The following NISCH variants were observed in gnomAD, a reference collection of about 807,000 sequenced individuals.
NISCH encodes nischarin.
A neutral mutation model predicts 138.4 loss-of-function variants in NISCH; 55 were observed. The observed-to-expected ratio is 0.40, with a 90% CI of 0.32 to 0.50. NISCH has a LOEUF of 0.50. Among genes scored for constraint, NISCH ranks in the 20% least tolerant of loss-of-function variants. NISCH has a pLI of 0.71. For missense variants in NISCH, 1,643 were observed against 2,005.5 expected, an observed-to-expected ratio of 0.82 and a Z score of 3.45; for synonymous variants, 860 against 861.5, an observed-to-expected ratio of 1.00 and a Z score of 0.03.
At chr3:52,481,897 C>T in intron 13 of NISCH, 10 of 985,500 alleles carry the variant, frequency 1.0e-5, no homozygotes, top group Non-Finnish European at 1.2e-5. Context: ...TTAAATAAAA[C>T]TGCAGTGGAT....
At chr3:52,485,175 A>G (rs1327419244) in intron 14 of NISCH, among the ~76,000 whole-genome samples, 1 of 152,126 alleles carries the variant, frequency 6.6e-6, no homozygotes, top group African/African-American at 2.4e-5. Flanking sequence ...GGAGGAAAGC[A>G]AGGGTGCTTG....
Position 52,472,036 on chromosome 3 carries a change from G to C in NISCH, c.573+59G>C, listed in dbSNP as rs551743958. On this transcript the variant is annotated intron_variant, in intron 5 of 20. Coordinates refer to ENST00000345716, the MANE Select transcript of NISCH (RefSeq NM_007184.4). ...CGCAGTCGGTGGGGGTGCAACCTGC[G>C]GGGGACTGGCTGGCAGTTTGTGTGA... The C allele has an allele frequency of 4.2e-5, 64 of 1,507,014 alleles. No individual in the cohort carries two copies. In the Admixed American group the frequency reaches 7.3e-4, roughly 17 times the overall value. The allele number at this position is 1,507,014 out of a possible 1,614,324, so 93.4% of individuals were successfully genotyped here.
At position 52,487,471 on chromosome 3, in the gene NISCH, C is replaced by G; in HGVS notation, c.1979C>G (p.Pro660Arg). 1 of 1,602,932 alleles carries G rather than the reference C, an allele frequency of 6.2e-7. No homozygotes were observed. The highest frequency in any genetic ancestry group is 8.5e-7 in the Non-Finnish European group (1 of 1,172,620). The stretch of plus-strand genomic sequence containing the variant: ...AACCGCTACTTTGAAATGGGGCCCC[C>G]AGACGTGGAGGAGGAGGAGGGAGGA... Reference protein sequence around the residue: ...AENRYFEMGPPDVEEEEGGGQ... With the variant: ...AENRYFEMGPRDVEEEEGGGQ... The change falls in exon 16 of 21, where the codon CCA (proline) becomes CGA (arginine). Residue 660 changes from proline (P) to arginine (R), a missense_variant. Pro to Arg is a moderately radical substitution (Grantham distance 103). Coordinates refer to ENST00000345716, the MANE Select transcript of NISCH (RefSeq NM_007184.4). This position sits in a 1 kb window ranked among gnomAD's most constrained non-coding sequence, Gnocchi z 9.1.
At chr3:52,491,670 C>A (rs1707568786) in intron 20 of NISCH, 157 bp downstream of exon 20, 1 of 1,059,980 alleles carries the variant, frequency 9.4e-7, no homozygotes. Context: ...ATGGCAGAGT[C>A]TCCACTCCAG....
chr3:52,492,146 C>G lies in NISCH; in HGVS notation c.4179C>G (p.Pro1393=), dbSNP rs748425784. ...LDEDCVHYPL[P]EFAKEPPQRD... ...AGGACTGTGTCCACTACCCACTGCC[C>G]GAGTTTGCCAAAGAGCCGCCGCAGA... The change falls in exon 21 of 21, where the codon CCC becomes CCG. Residue 1393 remains proline, a synonymous_variant. Transcript: ENST00000345716. The G allele has an allele frequency of 3.7e-6, 6 of 1,612,974 alleles. No individual in the cohort carries two copies. The highest frequency in any genetic ancestry group is 5.1e-6 in the Non-Finnish European group (6 of 1,180,044).
chr3:52,485,959 C>T lies in NISCH; in HGVS notation c.1703+132C>T, dbSNP rs966628733. The T allele has an allele frequency of 1.8e-5, 14 of 769,496 alleles. No individual in the cohort carries two copies. The Middle Eastern group carries it at 9.3e-4, about 51-fold the overall frequency. The allele number at this position is 769,496 out of a possible 1,614,324, so 47.7% of individuals were successfully genotyped here. On this transcript the variant is annotated intron_variant, in intron 15 of 20. Transcript: ENST00000345716. ...CAGAAGGCCTATAGAACTATTTCTT[C>T]CTCTAAAGAGACACAGATGAGATGG...
At chr3:52,459,715 T>C (rs1415515192) in intron 3 of NISCH, among the ~76,000 whole-genome samples, 2 of 151,644 alleles carry the variant, frequency 1.3e-5, no homozygotes, top group East Asian at 4.0e-4. Context: ...ATTACAGGCG[T>C]GTGCCACCGC....
chr3:52,461,037 C>A (rs983463972), intron 3 of NISCH, among the ~76,000 whole-genome samples: 3 of 152,106 alleles, frequency 2.0e-5, no homozygotes, highest in African/African-American at 7.2e-5. Context: ...GCCAGGAGTT[C>A]GAGACCAGCC....
rs542046653 is a variant in NISCH at position 52,474,878 on chromosome 3, T to C, written c.765+1049T>C. Among the ~76,000 whole-genome samples, 15 of 152,352 alleles carry C rather than the reference T, an allele frequency of 9.8e-5. No homozygotes were observed. The South Asian group carries it at 3.1e-3, about 32-fold the overall frequency. ...CATTTGTATCTTTTTCCCCACGGCT[T>C]GATTAGAAGGTGAGGTTGTGGAAAT... On this transcript the variant is annotated intron_variant, in intron 7 of 20. Transcript: ENST00000345716.
chr3:52,484,727 G>A, intron 14 of NISCH, 90 bp downstream of exon 14: 1 of 1,481,370 alleles, frequency 6.8e-7, no homozygotes, highest in Non-Finnish European at 9.3e-7. Flanking sequence ...GGCCTAGCTG[G>A]AGCTGAGGCA....
chr3:52,483,484 C>T (rs1220430171), intron 13 of NISCH, among the ~76,000 whole-genome samples: 1 of 152,208 alleles, frequency 6.6e-6, no homozygotes, highest in Non-Finnish European at 1.5e-5. Flanking sequence ...TAGAGGTGAT[C>T]TGAGGTGGAG....
intron 9 of NISCH, 158 bp from the exon 10 acceptor site, chr3:52,477,939 C>T (rs1244061109): frequency 1.4e-5 from 11 of 788,348 alleles, no homozygotes; most frequent in South Asian, 5.1e-5. Flanking sequence ...GTGGCATGTG[C>T]GGCAGAGAAG....
intron 3 of NISCH, among the ~76,000 whole-genome samples, chr3:52,459,080 AT>A (rs1033905915): frequency 6.6e-6 from 1 of 152,212 alleles, no homozygotes; most frequent in African/African-American, 2.4e-5. Flanking sequence ...ACCACAAGGC[AT>A]TTTGTTTAGC....
At chr3:52,485,113 G>A (rs1252538020) in intron 14 of NISCH, among the ~76,000 whole-genome samples, 2 of 152,164 alleles carry the variant, frequency 1.3e-5, no homozygotes, top group African/African-American at 4.8e-5. Context: ...CGCCTCCTCT[G>A]TGGTTGTTAC....
chr3:52,486,278 A>T (rs1238952758), intron 15 of NISCH, among the ~76,000 whole-genome samples: 1 of 152,046 alleles, frequency 6.6e-6, no homozygotes, highest in Non-Finnish European at 1.5e-5. Flanking sequence ...ACCACGCCCA[A>T]CTAATTTTTT....
rs756730290 is a variant in NISCH, at chr3:52,488,301, A to T, written c.2809A>T (p.Asn937Tyr). The change falls in exon 16 of 21, where the codon AAC becomes TAC. Residue 937 changes from asparagine (N) to tyrosine (Y), a missense_variant. By Grantham distance (143) the Asn-to-Tyr change is moderately radical (BLOSUM62 -2). Coordinates refer to ENST00000345716, the MANE Select transcript of NISCH (RefSeq NM_007184.4). ...CAACCGTGGCACCCACAACTGTCGCAACCGCAACAGCTTCAAGCTCAGCCG... is the reference window on the plus strand; with the variant it reads ...CAACCGTGGCACCCACAACTGTCGCTACCGCAACAGCTTCAAGCTCAGCCG... ...MPNRGTHNCR[N>Y]RNSFKLSRVP... 5 of 1,611,174 alleles carry T rather than the reference A, an allele frequency of 3.1e-6. No homozygotes were observed. The highest frequency in any genetic ancestry group is 4.2e-6 in the Non-Finnish European group (5 of 1,179,994).
chr3:52,489,516 C>A lies in NISCH; in HGVS notation c.3294C>A (p.Pro1098=), dbSNP rs1203715033. The A allele has an allele frequency of 1.2e-6, 2 of 1,612,894 alleles. No individual in the cohort carries two copies. The highest frequency in any genetic ancestry group is 3.3e-5 in the Admixed American group (2 of 60,020). ...EETPVEAPAP[P]PAEAPAQYPS... is the part of the protein sequence containing the mutation. The stretch of plus-strand genomic sequence containing the variant: ...CGCCAGTGGAAGCTCCAGCCCCACC[C>A]CCAGCCGAGGCCCCTGCCCAGTACC... The change falls in exon 17 of 21, where the codon CCC becomes CCA. Residue 1098 remains proline (P), a synonymous_variant. Transcript: ENST00000345716.
Position 52,492,477 on chromosome 3 carries a change from G to A in NISCH, c.4510G>A (p.Gly1504Ser), listed in dbSNP as rs1447048082. The A allele has an allele frequency of 3.1e-6, 5 of 1,593,460 alleles. No individual in the cohort carries two copies. Among genetic ancestry groups the A allele is most frequent in the South Asian group, 2.3e-5 (2 of 88,526 alleles). Residue 1504 changes from glycine to serine, a missense_variant, in exon 21 of 21, where the codon GGC becomes AGC. Coordinates refer to ENST00000345716, the MANE Select transcript of NISCH (RefSeq NM_007184.4). ...CCGTGAGCTGCCTGTCGAGCTCACCGGCTAGCCCAGGCCACAGCCAGCCTG... is the reference window on the plus strand; with the variant it reads ...CCGTGAGCTGCCTGTCGAGCTCACCAGCTAGCCCAGGCCACAGCCAGCCTG... The part of the protein sequence containing the change: ...CGRELPVELT[G>S]
chr3:52,489,540 C>T lies in NISCH; in HGVS notation c.3318C>T (p.Tyr1106=), dbSNP rs758659032. The T allele has an allele frequency of 1.2e-6, 2 of 1,613,258 alleles. No homozygotes were observed. The highest frequency in any genetic ancestry group is 1.7e-6 in the Non-Finnish European group (2 of 1,179,994). Residue 1106 remains tyrosine (Y), a synonymous_variant, in exon 17 of 21, where the codon TAC becomes TAT. Transcript: ENST00000345716. Reference sequence around the variant, plus strand: ...CCCCAGCCGAGGCCCCTGCCCAGTACCCGAGTGAGCACCTCATCCAGGCCA... The same window carrying T: ...CCCCAGCCGAGGCCCCTGCCCAGTATCCGAGTGAGCACCTCATCCAGGCCA... The part of the protein sequence containing the change: ...APPPAEAPAQ[Y]PSEHLIQATS...
Sources: gnomAD v4.1 joint callset for allele counts (sites outside exome capture counted in the v4.1 genomes callset) on GRCh38, gnomAD v4.1.1 for gene constraint, Gnocchi (gnomAD v3.1) non-coding constraint, MANE v1.5 for transcripts, NCBI Gene and HGNC (gene_info 2026-07-23, HGNC 2026-07-21) for gene names.